AHCTF1: variants seen among roughly 807,000 people sequenced by gnomAD.
AHCTF1 encodes the protein protein ELYS.
In AHCTF1, 24 loss-of-function variants were observed where a neutral mutation model predicts 248.4. The observed-to-expected ratio is 0.10, with a 90% CI of 0.07 to 0.14. The LOEUF is 0.14. Ranked by LOEUF, AHCTF1 falls within the 10% of genes least tolerant of loss-of-function variation. AHCTF1 has a pLI of 1.00. For missense variants in AHCTF1, 2,206 were observed against 2,636.2 expected (o/e 0.84, Z 3.57); for synonymous variants, 786 against 929.8 (o/e 0.85, Z 2.81).
chr1:246,864,467 C>T (rs1441818232), intron 26 of AHCTF1, among the ~76,000 whole-genome samples: 1 of 152,116 alleles, frequency 6.6e-6, no homozygotes, highest in African/African-American at 2.4e-5. Context: ...ACAAGGCTTC[C>T]CTGGCAATCT....
At chr1:246,931,290 G>A (rs1201334460) in intron 1 of AHCTF1, 2 of 1,547,654 alleles carry the variant, frequency 1.3e-6, no homozygotes, top group East Asian at 2.4e-5. Flanking sequence ...CCGACTGCCG[G>A]CGCAGGACGC....
Position 246,887,335 on chromosome 1 carries a change from A to G in AHCTF1, c.2348T>C (p.Ile783Thr), listed in dbSNP as rs773302445. 24 of 1,610,836 alleles carry G rather than the reference A, an allele frequency of 1.5e-5. No individual in the cohort carries two copies. In the South Asian group the frequency reaches 2.1e-4, roughly 14 times the overall value. Residue 783 changes from isoleucine (I) to threonine (T), a missense_variant, in exon 20 of 36, where the codon ATT becomes ACT. Ile to Thr is a moderately conservative substitution (Grantham distance 89). This residue lies in a region of AHCTF1 where 650 missense variants were observed against 870.8 expected (regional missense o/e 0.75). Coordinates refer to ENST00000648844, the MANE Select transcript of AHCTF1 (RefSeq NM_001323342.2). Reference sequence around the variant, plus strand: ...TGTTTTGTTGGGAAAGGAATACATAATATCAAGTAGCAAATAAATGGTCTT... The same window carrying G: ...TGTTTTGTTGGGAAAGGAATACATAGTATCAAGTAGCAAATAAATGGTCTT... The part of the protein sequence containing the change: ...HSITIYLLLD[I>T]MYSFPNKTDT...
chr1:246,912,487 A>T (rs1269555238), intron 4 of AHCTF1, among the ~76,000 whole-genome samples: 3 of 151,970 alleles, frequency 2.0e-5, no homozygotes, highest in Non-Finnish European at 2.9e-5. Flanking sequence ...GTCTCCAAAA[A>T]AAAAAAACAA....
chr1:246,923,534 A>C (rs1013216465), intron 1 of AHCTF1, among the ~76,000 whole-genome samples: 2 of 152,244 alleles, frequency 1.3e-5, no homozygotes, highest in African/African-American at 2.4e-5. Context: ...CTAGACACAG[A>C]ATCACTAAGT....
chr1:246,930,788 T>A (rs1667293781), intron 1 of AHCTF1, among the ~76,000 whole-genome samples: 1 of 152,134 alleles, frequency 6.6e-6, no homozygotes, highest in African/African-American at 2.4e-5. Flanking sequence ...CCCCAAAGGA[T>A]TTACGTTTTG....
In AHCTF1 at chr1:246,840,981, C is replaced by G. The variant is rs775474744; in HGVS notation, c.6626G>C (p.Ser2209Thr). Residue 2209 changes from serine to threonine, a missense_variant, in exon 36 of 36, where the codon AGT becomes ACT. Around this residue, in one of 6 missense-constraint regions of AHCTF1, gnomAD observed 469 missense variants for 470.0 expected, o/e 1.00. Coordinates refer to ENST00000648844, the MANE Select transcript of AHCTF1 (RefSeq NM_001323342.2). The stretch of plus-strand genomic sequence containing the variant: ...TTCTATGGGAGGAGGTGACCAAGCA[C>G]TTTCTTTTTCTGTGTTTCTGAAAAA... Reference protein sequence around the residue: ...KQASKNTEKESAWSPPPIEIR... With the variant: ...KQASKNTEKETAWSPPPIEIR... 3.1e-6 allele frequency: 5 copies of G among 1,602,914 alleles called. No individual in the cohort carries two copies. The South Asian group carries it at 3.4e-5, about 11-fold the overall frequency.
intron 4 of AHCTF1, among the ~76,000 whole-genome samples, chr1:246,911,467 T>C (rs1188011828): frequency 6.6e-6 from 1 of 150,608 alleles, no homozygotes; most frequent in African/African-American, 2.4e-5. Context: ...ATAGTGTCTA[T>C]CTATGAAGAT....
chr1:246,909,394 CAAAAAAAAAAAAAAA>C (rs55998210), intron 4 of AHCTF1, among the ~76,000 whole-genome samples: 9 of 62,380 alleles, frequency 1.4e-4, no homozygotes, highest in Non-Finnish European at 2.0e-4. Flanking sequence ...TCCAGCCTCT[CAAAAAAAAAAAAAAA>C]AAAAAAAAAA....
rs61734012 is a variant in AHCTF1, at chr1:246,877,269, T to C, written c.2694A>G (p.Gln898=). 10,008 of 1,601,978 alleles carry C rather than the reference T, an allele frequency of 6.2e-3. 41 individuals are homozygous for C. The highest frequency in any genetic ancestry group is 7.8e-3 in the Non-Finnish European group (9,220 of 1,176,340). The change falls in exon 22 of 36, where the codon CAA becomes CAG. Residue 898 remains glutamine, a synonymous_variant. Transcript: ENST00000648844. ...CCTCTATATTCAACCTATTGCAATGTTGCCGCAAAAAATTCCAGGCTTCAA... is the reference window on the plus strand; with the variant it reads ...CCTCTATATTCAACCTATTGCAATGCTGCCGCAAAAAATTCCAGGCTTCAA... ...CMVEAWNFLR[Q]HCNRLNIEEL...
At chr1:246,884,269 A>G (rs1258450106) in intron 21 of AHCTF1, among the ~76,000 whole-genome samples, 1 of 152,248 alleles carries the variant, frequency 6.6e-6, no homozygotes, top group Non-Finnish European at 1.5e-5. Flanking sequence ...TATTTCAACA[A>G]GCACTTGCTA....
At chr1:246,877,534 A>AAAAAGCAAAGTAGAC (rs1411973514) in intron 21 of AHCTF1, among the ~76,000 whole-genome samples, 1 of 149,186 alleles carries the variant, frequency 6.7e-6, no homozygotes, top group Non-Finnish European at 1.5e-5. Context: ...TAAAATAATA[A>AAAAAGCAAAGTAGAC]AAAAGCAAAG....
chr1:246,867,574 C>G, intron 25 of AHCTF1, 87 bp downstream of exon 25: 1 of 1,490,004 alleles, frequency 6.7e-7, no homozygotes, highest in Non-Finnish European at 9.2e-7. Flanking sequence ...TAAACTTAGG[C>G]AAAGAGAGTG....
chr1:246,930,188 T>G (rs1572487601), intron 1 of AHCTF1, among the ~76,000 whole-genome samples: 5 of 152,186 alleles, frequency 3.3e-5, no homozygotes, highest in Non-Finnish European at 7.3e-5. Context: ...ACAGGCTGAG[T>G]GCAGCGGCGC....
intron 21 of AHCTF1, among the ~76,000 whole-genome samples, chr1:246,883,653 C>T (rs947977872): frequency 2.0e-5 from 3 of 152,162 alleles, no homozygotes; most frequent in African/African-American, 7.2e-5. Flanking sequence ...TCTCTATTTA[C>T]AGGACTAGTA....
chr1:246,856,573 C>A (rs1379702977), intron 30 of AHCTF1, among the ~76,000 whole-genome samples: 1 of 151,734 alleles, frequency 6.6e-6, no homozygotes, highest in South Asian at 2.1e-4. Context: ...CCTTCTCATG[C>A]TGGTAACTCT....
chr1:246,893,739 T>C (rs1664374787), intron 14 of AHCTF1, among the ~76,000 whole-genome samples: 2 of 152,234 alleles, frequency 1.3e-5, no homozygotes, highest in African/African-American at 2.4e-5. Flanking sequence ...GAAAGTGAGT[T>C]AAGTACAGAA....
intron 3 of AHCTF1, 142 bp from the exon 4 acceptor site, chr1:246,913,554 G>T: frequency 1.4e-6 from 1 of 733,954 alleles, no homozygotes; most frequent in Non-Finnish European, 2.1e-6. Flanking sequence ...CTTGTGATCT[G>T]AATAATGAAA....
intron 17 of AHCTF1, among the ~76,000 whole-genome samples, 157 bp from the exon 18 acceptor site, chr1:246,888,674 C>CA (rs1238085673): frequency 1.3e-5 from 2 of 151,866 alleles, no homozygotes; most frequent in Non-Finnish European, 2.9e-5. Context: ...TTTGGGAGGC[C>CA]AAGGCAGGAG....
In AHCTF1 at chr1:246,890,053, G is replaced by A; in HGVS notation, c.2057C>T (p.Ser686Phe). ...GTAGCATAACCTTGACAACTGCACA[G>A]AATCATCTAGATTTTTAAGAGTTGG... is the stretch of plus-strand genomic sequence containing the variant. ...SGLLPEGIDD[S>F]VQLSRLCYNY... The change falls in exon 17 of 36, where the codon TCT (serine) becomes TTT (phenylalanine). Residue 686 changes from serine (S) to phenylalanine (F), a missense_variant. Physicochemically the swap from Ser to Phe is radical, Grantham distance 155 (BLOSUM62 -2). This residue lies in a region of AHCTF1 where 650 missense variants were observed against 870.8 expected (regional missense o/e 0.75). Coordinates refer to ENST00000648844, the MANE Select transcript of AHCTF1 (RefSeq NM_001323342.2). 1 of 1,608,020 alleles carries A rather than the reference G, an allele frequency of 6.2e-7. No individual in the cohort carries two copies. The highest frequency in any genetic ancestry group is 8.5e-7 in the Non-Finnish European group (1 of 1,176,158).
Sources: allele counts gnomAD v4.1 joint callset (sites outside exome capture counted in the v4.1 genomes callset), GRCh38; gene constraint gnomAD v4.1.1; regional missense constraint gnomAD v4.1.1; transcripts MANE v1.5; gene names NCBI Gene and HGNC (gene_info 2026-07-23, HGNC 2026-07-21).